SALL4: variants seen among roughly 807,000 people sequenced by gnomAD.
The protein encoded by SALL4 is sal-like protein 4.
SALL4 carries 4 observed loss-of-function variants against 60.8 expected under a neutral mutation model. The ratio of observed to expected loss-of-function variants is 0.07; its 90% CI spans 0.03 to 0.15. The LOEUF (loss-of-function observed/expected upper bound fraction) is 0.15. Among genes scored for constraint, SALL4 ranks in the 10% least tolerant of loss-of-function variants. The pLI is 1.00. For missense variants in SALL4, 1,178 were observed against 1,394.7 expected (o/e 0.84, Z 2.48); for synonymous variants, 580 against 574.9 (o/e 1.01, Z -0.13).
intron 1 of SALL4, among the ~76,000 whole-genome samples, chr20:51,794,918 C>A (rs1425957911): frequency 6.6e-6 from 1 of 152,132 alleles, no homozygotes; most frequent in Admixed American, 6.6e-5. Context: ...TTTCTTTCCT[C>A]TCACAGAGAT....
intron 1 of SALL4, among the ~76,000 whole-genome samples, chr20:51,795,472 C>G (rs2122972386): frequency 6.6e-6 from 1 of 152,294 alleles, no homozygotes; most frequent in South Asian, 2.1e-4. Flanking sequence ...AACTATTTAT[C>G]TGGGAACCGC....
Position 51,783,818 on chromosome 20 carries a change from CG to C in SALL4, c.*446del, listed in dbSNP as rs2077970277. 1 of 183,996 alleles carries C rather than the reference CG, an allele frequency of 5.4e-6. No individual in the cohort carries two copies. 11.4% of individuals were successfully genotyped at this position (183,996 alleles called of 1,614,324 possible). ...CGGGTGGATCACGAGGTCAGCAGTT[CG>C]AGACCAGCCTGACCAACATGGTGAA... On this transcript the variant is annotated 3_prime_UTR_variant, in exon 4 of 4. Transcript: ENST00000217086.
Position 51,784,194 on chromosome 20 carries a change from G to A in SALL4, c.*71C>T, listed in dbSNP as rs2077973154. ...AGAAAAAGAAAACAGGAGGAGATGA[G>A]TTCTTACAAAACAAAGCAGATTCTA... On this transcript the variant is annotated 3_prime_UTR_variant, in exon 4 of 4. Transcript: ENST00000217086. The A allele has an allele frequency of 3.2e-6, 5 of 1,565,612 alleles. No homozygotes were observed.
intron 3 of SALL4, among the ~76,000 whole-genome samples, chr20:51,785,353 T>TC (rs2077984614): frequency 1.3e-5 from 2 of 152,166 alleles, no homozygotes; most frequent in African/African-American, 4.8e-5. Flanking sequence ...ATTGAGCATG[T>TC]ACTGAAAGTG....
Position 51,791,701 on chromosome 20 carries a change from C to T in SALL4, c.782G>A (p.Gly261Asp), listed in dbSNP as rs199623438. 16 of 1,613,988 alleles carry T rather than the reference C, an allele frequency of 9.9e-6. No individual in the cohort carries two copies. The highest frequency in any genetic ancestry group is 1.3e-5 in the African/African-American group (1 of 74,958). Residue 261 changes from glycine (G) to aspartate (D), a missense_variant, in exon 2 of 4, where the codon GGC becomes GAC. By Grantham distance (94) the Gly-to-Asp change is moderately conservative. This residue lies in a region of SALL4 where 853 missense variants were observed against 1,036.8 expected (regional missense o/e 0.82). Coordinates refer to ENST00000217086, the MANE Select transcript of SALL4 (RefSeq NM_020436.5). The surrounding 1 kb of genome is among the most constrained non-coding windows in gnomAD (Gnocchi z 4.6). ...GAGADTLKTLGSHMSQQVSAA... is the reference protein window; with the variant it reads ...GAGADTLKTLDSHMSQQVSAA... ...AGAAACCTGCTGAGACATGTGGCTG[C>T]CCAAGGTCTTCAGAGTGTCGGCCCC...
chr20:51,791,521 C>T lies in SALL4; in HGVS notation c.962G>A (p.Arg321Gln), dbSNP rs373872511. 5.6e-6 allele frequency: 9 copies of T among 1,613,946 alleles called. No homozygotes were observed. Among genetic ancestry groups the T allele is most frequent in the Middle Eastern group, 1.7e-4 (1 of 6,060 alleles). ...APFTLKPDGT[R>Q]VLPNVMSRLP... ...GCGGGACATGACGTTCGGGAGCACC[C>T]GGGTCCCATCCGGCTTCAGAGTGAA... The change falls in exon 2 of 4, where the codon CGG becomes CAG. Residue 321 changes from arginine to glutamine, a missense_variant. Transcript: ENST00000217086. The surrounding 1 kb of genome is among the most constrained non-coding windows in gnomAD (Gnocchi z 4.6).
chr20:51,802,371 T>C lies in SALL4; in HGVS notation c.38A>G (p.Asn13Ser), dbSNP rs747450650. 18 of 1,611,476 alleles carry C rather than the reference T, an allele frequency of 1.1e-5. No homozygotes were observed. The highest frequency in any genetic ancestry group is 1.4e-5 in the Non-Finnish European group (17 of 1,179,814). ...CTGCTCGCCCTGGTCCTCCTCCGAG[T>C]TGATGTGCTGGGGTTTCGCCTGCTT... ...RRKQAKPQHINSEEDQGEQQP... is the reference protein window; with the variant it reads ...RRKQAKPQHISSEEDQGEQQP... The change falls in exon 1 of 4, where the codon AAC becomes AGC. Residue 13 changes from asparagine to serine, a missense_variant. By Grantham distance (46) the Asn-to-Ser change is conservative. Coordinates refer to ENST00000217086, the MANE Select transcript of SALL4 (RefSeq NM_020436.5).
chr20:51,790,443 G>A lies in SALL4; in HGVS notation c.2040C>T (p.Gly680=), dbSNP rs778476720. Residue 680 remains glycine (G), a synonymous_variant, in exon 2 of 4, where the codon GGC becomes GGT. Transcript: ENST00000217086. The surrounding 1 kb of genome is among the most constrained non-coding windows in gnomAD (Gnocchi z 5.5). ...PMTVGENGST[G]AICHDDVIES... is the part of the protein sequence containing the mutation. ...CGATGACATCATCATGGCAGATAGC[G>A]CCGGTGCTGCCGTTCTCACCCACGG... The A allele has an allele frequency of 2.0e-5, 32 of 1,614,052 alleles. No individual in the cohort carries two copies. The highest frequency in any genetic ancestry group is 2.5e-5 in the Non-Finnish European group (29 of 1,180,020).
Position 51,788,970 on chromosome 20 carries a change from T to C in SALL4, c.2633A>G (p.Asn878Ser). 3.6e-5 allele frequency: 58 copies of C among 1,614,236 alleles called. No homozygotes were observed. The highest frequency in any genetic ancestry group is 4.8e-5 in the Non-Finnish European group (57 of 1,180,050). ...CTGAAGAGCGCTAGCAGACGAGAAGTTCTTCCCACACCGTGTGCAGCCATG... is the reference window on the plus strand; with the variant it reads ...CTGAAGAGCGCTAGCAGACGAGAAGCTCTTCCCACACCGTGTGCAGCCATG... Reference protein sequence around the residue: ...KQHGCTRCGKNFSSASALQIH... With the variant: ...KQHGCTRCGKSFSSASALQIH... Residue 878 changes from asparagine (N) to serine (S), a missense_variant, in exon 3 of 4, where the codon AAC (asparagine) becomes AGC (serine). Physicochemically the swap from Asn to Ser is conservative, Grantham distance 46 (BLOSUM62 1). This residue lies in a region of SALL4 where 37 missense variants were observed against 73.5 expected (regional missense o/e 0.50). Coordinates refer to ENST00000217086, the MANE Select transcript of SALL4 (RefSeq NM_020436.5). The surrounding 1 kb of genome is among the most constrained non-coding windows in gnomAD (Gnocchi z 4.1).
At position 51,792,267 on chromosome 20, in the gene SALL4, G is replaced by C. The variant is rs138604469; in HGVS notation, c.216C>G (p.His72Gln). The C allele has an allele frequency of 1.2e-6, 2 of 1,613,044 alleles. No individual in the cohort carries two copies. Among genetic ancestry groups the C allele is most frequent in the Admixed American group, 3.3e-5 (2 of 59,988 alleles). ...ACTCCGCACAGCATTTCTCACAGAC[G>C]TGCGTCTCCTCCCGACGAAGCCGCT... is the stretch of plus-strand genomic sequence containing the variant. Reference protein sequence around the residue: ...TVKRLRREETHVCEKCCAEFF... With the variant: ...TVKRLRREETQVCEKCCAEFF... The change falls in exon 2 of 4, where the codon CAC becomes CAG. Residue 72 changes from histidine (H) to glutamine (Q), a missense_variant. Transcript: ENST00000217086.
rs1047381504 is a variant in SALL4, at chr20:51,782,604, C to G, written c.*1661G>C. 4.1e-5 allele frequency: 6 copies of G among 145,564 alleles called. No homozygotes were observed. The East Asian group carries it at 1.2e-3, about 29-fold the overall frequency. 9.0% of individuals were successfully genotyped at this position (145,564 alleles called of 1,614,324 possible). On this transcript the variant is annotated 3_prime_UTR_variant, in exon 4 of 4. Transcript: ENST00000217086. ...GGCGGAATCCTAAAGTCAGGTGCAA[C>G]GATGAAGAGACAACACTTTGGCTAA...
chr20:51,792,855 C>T (rs1206365485), intron 1 of SALL4: 2 of 1,026,526 alleles, frequency 1.9e-6, no homozygotes, highest in African/African-American at 1.7e-5. Context: ...GGAAGTCTCT[C>T]GAAGCTACTT....
Position 51,784,298 on chromosome 20 carries a change from G to T in SALL4, c.3129C>A (p.His1043Gln), listed in dbSNP as rs1369512597. The part of the protein sequence containing the change: ...TDGVPKHQFP[H>Q]FLEENKIAVS ...CCGCAATCTTGTTTTCTTCCAGGAAGTGAGGAAACTGGTGTTTGGGAACGC... is the reference window on the plus strand; with the variant it reads ...CCGCAATCTTGTTTTCTTCCAGGAATTGAGGAAACTGGTGTTTGGGAACGC... Residue 1043 changes from histidine (H) to glutamine (Q), a missense_variant, in exon 4 of 4, where the codon CAC becomes CAA. By Grantham distance (24) the His-to-Gln change is conservative. Transcript: ENST00000217086. 1.2e-6 allele frequency: 2 copies of T among 1,614,176 alleles called. No homozygotes were observed. The highest frequency in any genetic ancestry group is 2.2e-5 in the East Asian group (1 of 44,884).
At position 51,792,022 on chromosome 20, in the gene SALL4, T is replaced by C; in HGVS notation, c.461A>G (p.Tyr154Cys). 1.9e-6 allele frequency: 3 copies of C among 1,614,108 alleles called. No individual in the cohort carries two copies. The highest frequency in any genetic ancestry group is 2.5e-6 in the Non-Finnish European group (3 of 1,180,014). Residue 154 changes from tyrosine (Y) to cysteine (C), a missense_variant, in exon 2 of 4, where the codon TAC becomes TGC. Tyr to Cys is a radical substitution (Grantham distance 194). Around this residue, in one of 5 missense-constraint regions of SALL4, gnomAD observed 853 missense variants for 1,036.8 expected, o/e 0.82. Coordinates refer to ENST00000217086, the MANE Select transcript of SALL4 (RefSeq NM_020436.5). The part of the protein sequence containing the change: ...KEKPDAESVV[Y>C]LKTETALPPT... ...TGGCAGGGCTGTCTCTGTCTTTAGG[T>C]ACACCACAGACTCCGCATCCGGCTT...
rs1411491779 is a variant in SALL4 at position 51,791,982 on chromosome 20, G to A, written c.501C>T (p.Asp167=). The change falls in exon 2 of 4, where the codon GAC becomes GAT. Residue 167 remains aspartate, a synonymous_variant. Coordinates refer to ENST00000217086, the MANE Select transcript of SALL4 (RefSeq NM_020436.5). The surrounding 1 kb of genome is among the most constrained non-coding windows in gnomAD (Gnocchi z 4.6). ...CTTTGCCTTTGGCTAAATAGCTTAT[G>A]TCCTGGGGGGTGGGTGGCAGGGCTG... ...TETALPPTPQ[D]ISYLAKGKVA... The A allele has an allele frequency of 1.2e-6, 2 of 1,614,060 alleles. No individual in the cohort carries two copies. The highest frequency in any genetic ancestry group is 4.5e-5 in the East Asian group (2 of 44,880).
At chr20:51,800,239 C>T (rs889784508) in intron 1 of SALL4, among the ~76,000 whole-genome samples, 1 of 152,150 alleles carries the variant, frequency 6.6e-6, no homozygotes, top group African/African-American at 2.4e-5. Context: ...TCTCCATTCA[C>T]CCCCACAACC....
chr20:51,800,256 A>G (rs2078101497), intron 1 of SALL4, among the ~76,000 whole-genome samples: 1 of 151,968 alleles, frequency 6.6e-6, no homozygotes, highest in Admixed American at 6.6e-5. Flanking sequence ...AACCCGTCCC[A>G]CCCACCAGGT....
rs1000652774 is a variant in SALL4 at position 51,791,352 on chromosome 20, C to T, written c.1131G>A (p.Ala377=). The T allele has an allele frequency of 4.3e-6, 7 of 1,614,132 alleles. No individual in the cohort carries two copies. The highest frequency in any genetic ancestry group is 1.7e-5 in the Admixed American group (1 of 60,008). ...ACTTACACTTGTGCTTGTAGAGGGCCGCCTCGTCTTTGGGTTTGACATCCA... is the reference window on the plus strand; with the variant it reads ...ACTTACACTTGTGCTTGTAGAGGGCTGCCTCGTCTTTGGGTTTGACATCCA... ...SAVDVKPKDE[A]ALYKHKCKYC... The change falls in exon 2 of 4, where the codon GCG becomes GCA. Residue 377 remains alanine, a synonymous_variant. Transcript: ENST00000217086. The surrounding 1 kb of genome is among the most constrained non-coding windows in gnomAD (Gnocchi z 4.6).
In SALL4 at chr20:51,788,568, G is replaced by T. The variant is rs954591300; in HGVS notation, c.2742+293C>A. Among the ~76,000 whole-genome samples the T allele has an allele frequency of 2.2e-4, 33 of 152,168 alleles. No individual in the cohort carries two copies. Among genetic ancestry groups the T allele is most frequent in the African/African-American group, 6.8e-4 (28 of 41,430 alleles). On this transcript the variant is annotated intron_variant, in intron 3 of 3. Coordinates refer to ENST00000217086, the MANE Select transcript of SALL4 (RefSeq NM_020436.5). The surrounding 1 kb of genome is among the most constrained non-coding windows in gnomAD (Gnocchi z 4.1). ...TAGCCGGCCATGGTGGCGGACGCCT[G>T]TAGTCCCAGCTACTCAGGAGGCTGA...
Sources: gnomAD v4.1 joint callset for allele counts (sites outside exome capture counted in the v4.1 genomes callset) on GRCh38, gnomAD v4.1.1 for gene constraint, gnomAD v4.1.1 regional missense constraint, Gnocchi (gnomAD v3.1) non-coding constraint, MANE v1.5 for transcripts, NCBI Gene and HGNC (gene_info 2026-07-23, HGNC 2026-07-21) for gene names.